The following SAMMSON variants were observed in gnomAD, a reference collection of about 807,000 sequenced individuals.
SAMMSON encodes survival associated mitochondrial melanoma specific oncogenic non-coding RNA.
intron 2 of SAMMSON, among the ~76,000 whole-genome samples, chr3:70,410,972 C>T (rs188900090): frequency 3.7e-4 from 56 of 152,164 alleles, no homozygotes; most frequent in African/African-American, 1.2e-3. Flanking sequence ...TTCTGAGGGC[C>T]GGAGCACTGT....
At chr3:70,171,470 G>A (rs1470009951) in intron 4 of SAMMSON, among the ~76,000 whole-genome samples, 1 of 151,742 alleles carries the variant, frequency 6.6e-6, no homozygotes, top group Non-Finnish European at 1.5e-5. Context: ...GAATTTATAG[G>A]TTTTATGTAT....
intron 4 of SAMMSON, among the ~76,000 whole-genome samples, chr3:70,220,611 T>A (rs1285412554): frequency 1.3e-5 from 2 of 152,096 alleles, no homozygotes; most frequent in Non-Finnish European, 2.9e-5. Context: ...AGGAAGTATG[T>A]TAGTGTGTTG....
intron 4 of SAMMSON, among the ~76,000 whole-genome samples, chr3:70,239,796 G>T (rs889880073): frequency 6.6e-6 from 1 of 152,014 alleles, no homozygotes; most frequent in East Asian, 1.9e-4. Flanking sequence ...ATACAGTGAC[G>T]TCTCGTTCAA....
intron 9 of SAMMSON, among the ~76,000 whole-genome samples, chr3:70,366,484 G>A (rs1575634554): frequency 1.7e-5 from 1 of 60,486 alleles, no homozygotes; most frequent in South Asian, 5.4e-4. Context: ...TTTCGTTTGT[G>A]TTTTTATGTT....
chr3:70,026,936 A>G (rs888018650), intron 3 of SAMMSON, among the ~76,000 whole-genome samples: 1 of 152,194 alleles, frequency 6.6e-6, no homozygotes, highest in Non-Finnish European at 1.5e-5. Flanking sequence ...TTGAATTGGG[A>G]CATCATTTTA....
intron 3 of SAMMSON, among the ~76,000 whole-genome samples, chr3:70,047,333 C>CTTTT (rs879262238): frequency 0.015 from 2,152 of 143,372 alleles, 59 homozygotes; most frequent in African/African-American, 0.051. Flanking sequence ...CTCTCTCTCT[C>CTTTT]TTTTTTTTTT....
intron 4 of SAMMSON, among the ~76,000 whole-genome samples, chr3:70,190,968 C>T (rs1442584557): frequency 6.6e-6 from 1 of 152,214 alleles, no homozygotes; most frequent in Admixed American, 6.5e-5. Context: ...GGACTGGCCC[C>T]TAGTATTGCC....
At chr3:70,009,258 C>A (rs1226264418) in intron 1 of SAMMSON, 1 of 150,038 alleles carries the variant, frequency 6.7e-6, no homozygotes, top group Non-Finnish European at 1.5e-5. Flanking sequence ...GGCTGTGAAT[C>A]CATCTGGTCC....
At chr3:70,346,424 C>T (rs561678286) in intron 7 of SAMMSON, among the ~76,000 whole-genome samples, 12 of 151,068 alleles carry the variant, frequency 7.9e-5, no homozygotes, top group Non-Finnish European at 1.5e-4. Flanking sequence ...TTGCATTTTA[C>T]ATTTAAGTGT....
intron 4 of SAMMSON, among the ~76,000 whole-genome samples, chr3:70,112,381 A>G (rs951482079): frequency 1.3e-5 from 2 of 152,132 alleles, no homozygotes; most frequent in African/African-American, 4.8e-5. Flanking sequence ...TTTCTCTCAT[A>G]AAACCCTGCT....
At chr3:70,170,099 A>G (rs1700919380) in intron 4 of SAMMSON, among the ~76,000 whole-genome samples, 1 of 151,966 alleles carries the variant, frequency 6.6e-6, no homozygotes, top group Non-Finnish European at 1.5e-5. Context: ...TCATATGCTC[A>G]TCCAAGTAAA....
chr3:70,215,970 T>C (rs1009360882), intron 4 of SAMMSON, among the ~76,000 whole-genome samples: 1 of 152,104 alleles, frequency 6.6e-6, no homozygotes, highest in African/African-American at 2.4e-5. Flanking sequence ...CATCTTGGTA[T>C]TTTATTTTGA....
chr3:70,287,658 G>A (rs1363840079), intron 6 of SAMMSON, among the ~76,000 whole-genome samples: 4 of 152,062 alleles, frequency 2.6e-5, no homozygotes, highest in Non-Finnish European at 5.9e-5. Context: ...TGTACCTCTG[G>A]TAGAATTTGG....
intron 9 of SAMMSON, among the ~76,000 whole-genome samples, chr3:70,367,800 A>G (rs1702932848): frequency 2.0e-5 from 3 of 151,600 alleles, no homozygotes; most frequent in African/African-American, 2.4e-5. Flanking sequence ...AGGAAATTTC[A>G]TAGTGTTTTT....
At chr3:70,033,676 G>T (rs1055570130) in intron 3 of SAMMSON, among the ~76,000 whole-genome samples, 2 of 152,136 alleles carry the variant, frequency 1.3e-5, no homozygotes, top group African/African-American at 4.8e-5. Flanking sequence ...ATTGTAACAG[G>T]CCAGGTGAGA....
At chr3:70,005,823 G>T (rs2066924415) in intron 1 of SAMMSON, among the ~76,000 whole-genome samples, 1 of 152,146 alleles carries the variant, frequency 6.6e-6, no homozygotes, top group Non-Finnish European at 1.5e-5. Flanking sequence ...ATTAGAACAT[G>T]AGTTGCACAT....
downstream of SAMMSON, among the ~76,000 whole-genome samples, chr3:70,391,790 T>C (rs1701051069): frequency 6.6e-6 from 1 of 152,178 alleles, no homozygotes; most frequent in Non-Finnish European, 1.5e-5. Flanking sequence ...AACTTGCTCT[T>C]TATTTTCATT....
intron 4 of SAMMSON, among the ~76,000 whole-genome samples, chr3:70,182,156 G>A (rs1701058211): frequency 6.6e-6 from 1 of 152,040 alleles, no homozygotes. Context: ...GTGCTAAGGA[G>A]GTTTTTTTTA....
At chr3:70,214,822 C>T (rs1193555345) in intron 4 of SAMMSON, among the ~76,000 whole-genome samples, 1 of 151,922 alleles carries the variant, frequency 6.6e-6, no homozygotes, top group Non-Finnish European at 1.5e-5. Flanking sequence ...CATTTTTATG[C>T]AGTTACCTTC....
Sources: gnomAD v4.1 joint callset for allele counts (sites outside exome capture counted in the v4.1 genomes callset) on GRCh38, gnomAD v4.1.1 for gene constraint, MANE v1.5 for transcripts, NCBI Gene and HGNC (gene_info 2026-07-23, HGNC 2026-07-21) for gene names.